The following MDGA2 variants were observed in gnomAD, a reference collection of about 807,000 sequenced individuals.
The protein encoded by MDGA2 is MAM domain-containing glycosylphosphatidylinositol anchor protein 2.
In MDGA2, 40 loss-of-function variants were observed where a neutral mutation model predicts 117.8. That is an observed-to-expected ratio of 0.34 (90% confidence interval 0.26 to 0.44). The LOEUF (loss-of-function observed/expected upper bound fraction) is 0.44, where lower values mean the gene tolerates loss of function less well. Ranked by LOEUF, MDGA2 falls within the 20% of genes least tolerant of loss-of-function variation. The pLI is 1.00. For synonymous variants in MDGA2, 452 were observed against 439.0 expected, an observed-to-expected ratio of 1.03 and a Z score of -0.37; for missense variants, 1,123 against 1,250.6, an observed-to-expected ratio of 0.90 and a Z score of 1.54.
intron 8 of MDGA2, among the ~76,000 whole-genome samples, chr14:47,004,780 GCAGGT>G (rs1887653672): frequency 6.6e-6 from 1 of 151,626 alleles, no homozygotes; most frequent in African/African-American, 2.4e-5. Flanking sequence ...CTTTTAGTGT[GCAGGT>G]CTTTCACATC....
At chr14:46,955,347 A>G (rs1409764128) in intron 9 of MDGA2, among the ~76,000 whole-genome samples, 1 of 152,072 alleles carries the variant, frequency 6.6e-6, no homozygotes, top group Non-Finnish European at 1.5e-5. Context: ...GGTTTCTACT[A>G]AAGCTCATGA....
chr14:47,275,687 ATTTTTTGCTT>A (rs1888289477), intron 2 of MDGA2, among the ~76,000 whole-genome samples: 1 of 152,086 alleles, frequency 6.6e-6, no homozygotes, highest in Non-Finnish European at 1.5e-5. Flanking sequence ...TCATGTTAAT[ATTTTTTGCTT>A]TAGACAAATA....
chr14:47,526,863 A>C (rs1894983039), intron 1 of MDGA2, among the ~76,000 whole-genome samples: 1 of 152,114 alleles, frequency 6.6e-6, no homozygotes, highest in African/African-American at 2.4e-5. Flanking sequence ...GGTAAGAAAA[A>C]AGTAGAACAA....
At chr14:47,472,771 C>T (rs975126109) in intron 1 of MDGA2, among the ~76,000 whole-genome samples, 4 of 152,178 alleles carry the variant, frequency 2.6e-5, no homozygotes, top group East Asian at 1.9e-4. Context: ...AGCTGGATAA[C>T]TTTAAAAGCC....
At chr14:46,938,701 T>C (rs1020191307) in intron 9 of MDGA2, among the ~76,000 whole-genome samples, 1 of 152,024 alleles carries the variant, frequency 6.6e-6, no homozygotes, top group Admixed American at 6.6e-5. Context: ...GAGAAAAGTA[T>C]GGAGGTTCCT....
intron 3 of MDGA2, among the ~76,000 whole-genome samples, chr14:47,212,977 G>A (rs575679784): frequency 1.3e-5 from 2 of 151,996 alleles, no homozygotes; most frequent in South Asian, 2.1e-4. Flanking sequence ...TTCTATTGTC[G>A]TGCTGCCCTG....
intron 4 of MDGA2, among the ~76,000 whole-genome samples, chr14:47,134,998 TTC>T (rs1442703311): frequency 6.6e-6 from 1 of 152,042 alleles, no homozygotes; most frequent in East Asian, 1.9e-4. Context: ...CAGTCCTTGT[TTC>T]TGTTTCCACT....
chr14:47,108,001 C>T (rs1880818129), intron 5 of MDGA2, among the ~76,000 whole-genome samples: 2 of 147,446 alleles, frequency 1.4e-5, no homozygotes, highest in South Asian at 2.1e-4. Context: ...CTTTATTAGT[C>T]AAATCAGCCA....
chr14:47,273,908 T>C (rs747561921), intron 2 of MDGA2, among the ~76,000 whole-genome samples: 1 of 152,076 alleles, frequency 6.6e-6, no homozygotes, highest in African/African-American at 2.4e-5. Context: ...GCTATAAAGA[T>C]TGACATATGA....
At chr14:47,213,752 CT>C (rs55839315) in intron 3 of MDGA2, among the ~76,000 whole-genome samples, 2 of 151,814 alleles carry the variant, frequency 1.3e-5, no homozygotes, top group East Asian at 1.9e-4. Context: ...CAGTATTTTC[CT>C]TTTTTTTCTG....
At chr14:47,538,642 T>C (rs1895273050) in intron 1 of MDGA2, among the ~76,000 whole-genome samples, 1 of 152,216 alleles carries the variant, frequency 6.6e-6, no homozygotes, top group Non-Finnish European at 1.5e-5. Flanking sequence ...ACATTTACTC[T>C]GTCACTTCCA....
At chr14:47,549,088 T>C (rs1437872623) in intron 1 of MDGA2, among the ~76,000 whole-genome samples, 1 of 152,130 alleles carries the variant, frequency 6.6e-6, no homozygotes, top group African/African-American at 2.4e-5. Flanking sequence ...ATGGAGTTTT[T>C]TGAGGGGTTC....
intron 9 of MDGA2, among the ~76,000 whole-genome samples, chr14:46,950,763 CATT>C (rs1350219430): frequency 6.6e-6 from 1 of 150,886 alleles, no homozygotes; most frequent in Non-Finnish European, 1.5e-5. Flanking sequence ...TGTTTTTAGA[CATT>C]ATTAAGAAAG....
chr14:47,255,492 T>A (rs1399956176), intron 2 of MDGA2, among the ~76,000 whole-genome samples: 1 of 152,212 alleles, frequency 6.6e-6, no homozygotes, highest in Non-Finnish European at 1.5e-5. Context: ...CTTGGCCCTA[T>A]GCCTGCATCT....
At chr14:47,377,777 G>A (rs1044946638) in intron 1 of MDGA2, among the ~76,000 whole-genome samples, 13 of 152,276 alleles carry the variant, frequency 8.5e-5, no homozygotes, top group African/African-American at 2.6e-4. Flanking sequence ...GTAGACTCTA[G>A]ATCTGGGGGC....
intron 2 of MDGA2, among the ~76,000 whole-genome samples, chr14:47,226,620 A>G (rs1446994842): frequency 6.6e-6 from 1 of 152,136 alleles, no homozygotes; most frequent in Admixed American, 6.5e-5. Context: ...ACTAGAGGTG[A>G]CAGGAGGGTA....
intron 2 of MDGA2, among the ~76,000 whole-genome samples, chr14:47,231,098 G>C (rs918851093): frequency 1.7e-4 from 26 of 151,958 alleles, no homozygotes; most frequent in Non-Finnish European, 2.8e-4. Context: ...TCTTCAATTT[G>C]CAGATGACTA....
chr14:46,846,370 T>C (rs1056351672), intron 15 of MDGA2, among the ~76,000 whole-genome samples: 3 of 152,128 alleles, frequency 2.0e-5, no homozygotes, highest in Admixed American at 6.5e-5. Flanking sequence ...TTCTCACAAA[T>C]AGATTGAATA....
Position 47,218,038 on chromosome 14 carries a change from A to G in MDGA2, c.578T>C (p.Ile193Thr), listed in dbSNP as rs1384120703. The change falls in exon 3 of 17, where the codon ATC becomes ACC. Residue 193 changes from isoleucine to threonine, a missense_variant. Physicochemically the swap from Ile to Thr is moderately conservative, Grantham distance 89. This residue lies in a region of MDGA2 where 890 missense variants were observed against 1,050.3 expected (regional missense o/e 0.85). Transcript: ENST00000399232. The part of the protein sequence containing the change: ...NGLGSPAIKS[I>T]RVDVYYLDDP... ...TTACTTACAGTATACATCCACTCTG[A>G]TTGACTTTATCGCTGGAGACCCCAA... is the stretch of plus-strand genomic sequence containing the variant. The G allele has an allele frequency of 6.5e-7, 1 of 1,549,562 alleles. No homozygotes were observed. Among genetic ancestry groups the G allele is most frequent in the African/African-American group, 1.4e-5 (1 of 72,908 alleles).
Sources: gnomAD v4.1 joint callset for allele counts (sites outside exome capture counted in the v4.1 genomes callset) on GRCh38, gnomAD v4.1.1 for gene constraint, gnomAD v4.1.1 regional missense constraint, MANE v1.5 for transcripts, NCBI Gene and HGNC (gene_info 2026-07-23, HGNC 2026-07-21) for gene names.